The following TNFRSF8 variants were observed in gnomAD, a reference collection of about 807,000 sequenced individuals.
TNFRSF8 encodes tumor necrosis factor receptor superfamily member 8.
A neutral mutation model predicts 70.8 loss-of-function variants in TNFRSF8; 26 were observed. The observed-to-expected ratio is 0.37, with a 90% CI of 0.27 to 0.51. The LOEUF (loss-of-function observed/expected upper bound fraction) is 0.51. TNFRSF8 is among the 20% of genes least tolerant of loss of function. The pLI, the probability that TNFRSF8 is intolerant of heterozygous loss-of-function variation, is 0.94. For synonymous variants in TNFRSF8, 356 were observed against 339.2 expected (o/e 1.05, Z -0.54); for missense variants, 720 against 807.9 (o/e 0.89, Z 1.32).
In TNFRSF8 at chr1:12,108,128, G is replaced by A. The variant is rs533025736; in HGVS notation, c.422-1438G>A. On this transcript the variant is annotated intron_variant, in intron 4 of 14. Coordinates refer to ENST00000263932, the MANE Select transcript of TNFRSF8 (RefSeq NM_001243.5). The surrounding 1 kb of genome is among the most constrained non-coding windows in gnomAD (Gnocchi z 4.0). ...GAGCCTCGATCTGTCACCCAGACTA[G>A]AGTGCAATGGTGTGATCTCAGCTCA... is the stretch of plus-strand genomic sequence containing the variant. Among the ~76,000 whole-genome samples, 432 of 148,262 alleles carry A rather than the reference G, an allele frequency of 2.9e-3. 4 individuals carry two copies. Among genetic ancestry groups the A allele is most frequent in the African/African-American group, 0.01 (408 of 40,124 alleles).
At chr1:12,065,083 T>TTTC (rs1640714635) in intron 1 of TNFRSF8, among the ~76,000 whole-genome samples, 1 of 141,772 alleles carries the variant, frequency 7.1e-6, no homozygotes, top group Admixed American at 7.1e-5. Context: ...CAAACCTTTT[T>TTTC]TTTTTTTTTT....
chr1:12,137,380 G>A (rs1264404070), intron 13 of TNFRSF8, among the ~76,000 whole-genome samples: 3 of 152,064 alleles, frequency 2.0e-5, no homozygotes, highest in Admixed American at 1.3e-4. Context: ...TACGCCCTCT[G>A]TGCCTTGAGA....
At chr1:12,136,925 G>C (rs1404177180) in intron 13 of TNFRSF8, among the ~76,000 whole-genome samples, 1 of 135,376 alleles carries the variant, frequency 7.4e-6, no homozygotes, top group Non-Finnish European at 1.6e-5. Context: ...GATCATTCTT[G>C]GGTGTTTCTC....
chr1:12,067,244 A>G (rs1352292140), intron 1 of TNFRSF8, among the ~76,000 whole-genome samples: 1 of 152,246 alleles, frequency 6.6e-6, no homozygotes, highest in East Asian at 1.9e-4. Context: ...AACTCTGTAG[A>G]CTTAGAAATT....
intron 1 of TNFRSF8, among the ~76,000 whole-genome samples, chr1:12,078,333 G>A (rs1014124778): frequency 1.3e-5 from 2 of 152,150 alleles, no homozygotes; most frequent in African/African-American, 2.4e-5. Flanking sequence ...GGAGGCTGAG[G>A]TGGGTGGCTC....
chr1:12,083,045 A>G (rs575361115), intron 1 of TNFRSF8, among the ~76,000 whole-genome samples: 51 of 152,326 alleles, frequency 3.3e-4, no homozygotes, highest in African/African-American at 1.2e-3. Context: ...TGGTTAATAA[A>G]TGTGGGAAAA....
At chr1:12,099,487 T>C (rs1285598551) in intron 3 of TNFRSF8, among the ~76,000 whole-genome samples, 1 of 152,084 alleles carries the variant, frequency 6.6e-6, no homozygotes, top group Admixed American at 6.6e-5. Context: ...CTCACTTTGT[T>C]GTCCAGGCTG....
chr1:12,097,258 G>A, intron 3 of TNFRSF8, 41 bp downstream of exon 3: 1 of 1,470,304 alleles, frequency 6.8e-7, no homozygotes, highest in Non-Finnish European at 9.5e-7. Context: ...CTTCTAGGGA[G>A]CATGAGGGGT....
rs1642246897 is a variant in TNFRSF8, at chr1:12,141,150, G to A, written c.1544-1137G>A. Among the ~76,000 whole-genome samples, 1 of 152,116 alleles carries A rather than the reference G, an allele frequency of 6.6e-6. No individual in the cohort carries two copies. The highest frequency in any genetic ancestry group is 2.4e-5 in the African/African-American group (1 of 41,404). The stretch of plus-strand genomic sequence containing the variant: ...ATAGGGTTGAGGGTGTGGGGGACTC[G>A]AGAACCTTTTTGGGGTTCCTGAATC... On this transcript the variant is annotated intron_variant, in intron 14 of 14. Transcript: ENST00000263932. This position sits in a 1 kb window ranked among gnomAD's most constrained non-coding sequence, Gnocchi z 5.4.
intron 12 of TNFRSF8, among the ~76,000 whole-genome samples, chr1:12,128,997 G>T (rs991310595): frequency 1.3e-5 from 2 of 152,072 alleles, no homozygotes; most frequent in Admixed American, 1.3e-4. Context: ...ACCATGCCTG[G>T]CTAATTTTGG....
chr1:12,086,570 A>G (rs1324378148), intron 2 of TNFRSF8, among the ~76,000 whole-genome samples: 1 of 139,120 alleles, frequency 7.2e-6, no homozygotes, highest in Non-Finnish European at 1.5e-5. Flanking sequence ...TTTTCTTCCC[A>G]TCTAGCCACT....
At chr1:12,099,199 G>A (rs1315584466) in intron 3 of TNFRSF8, among the ~76,000 whole-genome samples, 2 of 151,832 alleles carry the variant, frequency 1.3e-5, no homozygotes, top group East Asian at 3.8e-4. Context: ...CGCCCAGGCT[G>A]GAGTGCAGTG....
Position 12,071,265 on chromosome 1 carries a change from C to T in TNFRSF8, c.63+7604C>T, listed in dbSNP as rs183119185. ...ACCAGCCTGGCCAACATGGCGAAAC[C>T]CTGTCTCTGCTAAAAATACAAAAAT... is the stretch of plus-strand genomic sequence containing the variant. On this transcript the variant is annotated intron_variant, in intron 1 of 14. Coordinates refer to ENST00000263932, the MANE Select transcript of TNFRSF8 (RefSeq NM_001243.5). 7.3e-3 allele frequency among the ~76,000 whole-genome samples: 1,112 copies of T among 152,206 alleles called. 15 individuals are homozygous for T. Among genetic ancestry groups the T allele is most frequent in the African/African-American group, 0.026 (1,060 of 41,526 alleles).
In TNFRSF8 at chr1:12,114,694, C is replaced by CTTTT. The variant is rs542462017; in HGVS notation, c.794-857_794-854dup. 3.1e-3 allele frequency among the ~76,000 whole-genome samples: 239 copies of CTTTT among 77,038 alleles called. 17 individuals carry two copies. The highest frequency in any genetic ancestry group is 0.012 in the African/African-American group (212 of 17,982). 50.5% of individuals were successfully genotyped at this position (77,038 alleles called of 152,430 possible). A position where few individuals can be genotyped will look rare whatever the true frequency, so the allele number is the denominator to read the frequency against. On this transcript the variant is annotated intron_variant, in intron 7 of 14. Coordinates refer to ENST00000263932, the MANE Select transcript of TNFRSF8 (RefSeq NM_001243.5). ...TTTTTGCTTTTGGAGGAAAAAAAAT[C>CTTTT]TTTTTTTTTTTTTTTTTTTTTTTTT...
At chr1:12,122,353 A>G (rs1245009505) in intron 8 of TNFRSF8, among the ~76,000 whole-genome samples, 2 of 151,786 alleles carry the variant, frequency 1.3e-5, no homozygotes, top group Non-Finnish European at 2.9e-5. Context: ...CTTGTATATA[A>G]ATGTTGCCTT....
intron 3 of TNFRSF8, 72 bp from the exon 4 acceptor site, chr1:12,104,307 C>G (rs1019822953): frequency 6.4e-6 from 10 of 1,573,124 alleles, no homozygotes; most frequent in Non-Finnish European, 7.9e-6. Flanking sequence ...CCCTCTCCCC[C>G]TCATCTCAAG....
chr1:12,101,985 T>A (rs977929120), intron 3 of TNFRSF8, among the ~76,000 whole-genome samples: 2 of 152,142 alleles, frequency 1.3e-5, no homozygotes, highest in Non-Finnish European at 2.9e-5. Context: ...TCCATTATGA[T>A]CTTGTGGGAC....
intron 1 of TNFRSF8, among the ~76,000 whole-genome samples, chr1:12,071,796 C>G (rs1640852038): frequency 6.6e-6 from 1 of 152,178 alleles, no homozygotes; most frequent in Admixed American, 6.5e-5. Context: ...CTCCTGGCCT[C>G]AAGTGATCCA....
At position 12,084,476 on chromosome 1, in the gene TNFRSF8, G is replaced by C; in HGVS notation, c.76G>C (p.Glu26Gln). The C allele has an allele frequency of 1.2e-6, 2 of 1,613,904 alleles. No homozygotes were observed. Among genetic ancestry groups the C allele is most frequent in the Non-Finnish European group, 1.7e-6 (2 of 1,179,958 alleles). ...TCTGACCTGCCAGGATCGACCCTTC[G>C]AGGACACCTGTCATGGAAACCCCAG... ...LRAFPQDRPF[E>Q]DTCHGNPSHY... Residue 26 changes from glutamate (E) to glutamine (Q), a missense_variant, in exon 2 of 15, where the codon GAG (glutamate) becomes CAG (glutamine). Transcript: ENST00000263932.
Sources: gnomAD v4.1 joint callset for allele counts (sites outside exome capture counted in the v4.1 genomes callset) on GRCh38, gnomAD v4.1.1 for gene constraint, Gnocchi (gnomAD v3.1) non-coding constraint, MANE v1.5 for transcripts, NCBI Gene and HGNC (gene_info 2026-07-23, HGNC 2026-07-21) for gene names.